PTGIS: variants seen among roughly 807,000 people sequenced by gnomAD.
The protein encoded by PTGIS is prostaglandin I2 synthase.
In PTGIS, 45 loss-of-function variants were observed where a neutral mutation model predicts 50.3. The observed-to-expected ratio is 0.90, with a 90% CI of 0.70 to 1.15. The LOEUF is 1.15. Ranked by LOEUF, PTGIS falls within the 50% of genes most tolerant of loss-of-function variation. PTGIS has a pLI of 0.00. For synonymous variants in PTGIS, 260 were observed against 267.7 expected (o/e 0.97, Z 0.28); for missense variants, 668 against 661.3 (o/e 1.01, Z -0.11).
intron 1 of PTGIS, among the ~76,000 whole-genome samples, chr20:49,561,447 T>C (rs143530707): frequency 6.6e-6 from 1 of 152,284 alleles, no homozygotes; most frequent in East Asian, 1.9e-4. Flanking sequence ...GCCTTGTGCC[T>C]CATCTTTTTG....
chr20:49,558,616 CAG>C (rs1452172577), intron 1 of PTGIS, among the ~76,000 whole-genome samples: 2 of 152,062 alleles, frequency 1.3e-5, no homozygotes, highest in African/African-American at 4.8e-5. Flanking sequence ...TAAGCAGTGT[CAG>C]AGGTGTTCAA....
rs61244098 is a variant in PTGIS, at chr20:49,510,645, A to C, written c.1358+383T>G. ...AGGCTCTCGGCCCCACAGGTATTAAAATAACCAAGTGGGAACAGTGAAGTT... is the reference window on the plus strand; with the variant it reads ...AGGCTCTCGGCCCCACAGGTATTAACATAACCAAGTGGGAACAGTGAAGTT... On this transcript the variant is annotated intron_variant, in intron 9 of 9. Transcript: ENST00000244043. Among the ~76,000 whole-genome samples, 224 of 152,288 alleles carry C rather than the reference A, an allele frequency of 1.5e-3. 2 individuals carry two copies. Among genetic ancestry groups the C allele is most frequent in the African/African-American group, 5.3e-3 (221 of 41,564 alleles).
intron 3 of PTGIS, among the ~76,000 whole-genome samples, chr20:49,546,523 C>A (rs541652502): frequency 4.3e-4 from 66 of 152,332 alleles, no homozygotes; most frequent in African/African-American, 1.5e-3. Context: ...CTCCTGGAGA[C>A]AGATCACTGA....
chr20:49,531,694 C>A (rs748921422), intron 5 of PTGIS, among the ~76,000 whole-genome samples: 2 of 152,148 alleles, frequency 1.3e-5, no homozygotes, highest in Non-Finnish European at 2.9e-5. Context: ...ATGGCGTAGT[C>A]TGGCTCACTG....
chr20:49,514,493 C>T, intron 6 of PTGIS, 98 bp from the exon 7 acceptor site: 1 of 1,426,734 alleles, frequency 7.0e-7, no homozygotes, highest in Non-Finnish European at 9.6e-7. Context: ...GGCCAGTAGG[C>T]CTGGGTTCCC....
intron 9 of PTGIS, among the ~76,000 whole-genome samples, chr20:49,509,890 TTTTTTTTTTTTTTC>T (rs1364818694): frequency 8.2e-6 from 1 of 122,026 alleles, no homozygotes; most frequent in Non-Finnish European, 1.8e-5. Context: ...TCTTTTTTTT[TTTTTTTTTTTTTTC>T]TGGAGACAGA....
At chr20:49,531,210 G>A (rs1430999778) in intron 5 of PTGIS, among the ~76,000 whole-genome samples, 1 of 152,018 alleles carries the variant, frequency 6.6e-6, no homozygotes, top group Non-Finnish European at 1.5e-5. Flanking sequence ...AGAAAATCTG[G>A]CAAACCCCCC....
At chr20:49,543,488 G>A (rs1441031467) in intron 4 of PTGIS, among the ~76,000 whole-genome samples, 3 of 152,102 alleles carry the variant, frequency 2.0e-5, no homozygotes, top group Admixed American at 6.5e-5. Flanking sequence ...CTGACCTCCC[G>A]ACTGCCTGAG....
chr20:49,549,983 C>G (rs941071159), intron 2 of PTGIS, 83 bp downstream of exon 2: 9 of 1,603,164 alleles, frequency 5.6e-6, no homozygotes, highest in Non-Finnish European at 7.7e-6. Context: ...GGCATAGGGA[C>G]ATATGTTGAA....
At chr20:49,529,509 TCA>T (rs1981880178) in intron 5 of PTGIS, among the ~76,000 whole-genome samples, 1 of 152,236 alleles carries the variant, frequency 6.6e-6, no homozygotes, top group Admixed American at 6.5e-5. Context: ...TTATCCAGTT[TCA>T]CTTTCCAAGG....
Position 49,568,098 on chromosome 20 carries a change from G to C in PTGIS, c.19C>G (p.Leu7Val). Residue 7 changes from leucine (L) to valine (V), a missense_variant, in exon 1 of 10, where the codon CTC becomes GTC. Leu to Val is a conservative substitution (Grantham distance 32). Transcript: ENST00000244043. MAWAAL[L>V]GLLAALLLLL... Reference sequence around the variant, plus strand: ...AGCAACAGTGCGGCCAGGAGGCCGAGGAGCGCGGCCCAAGCCATCGCGGGG... The same window carrying C: ...AGCAACAGTGCGGCCAGGAGGCCGACGAGCGCGGCCCAAGCCATCGCGGGG... The C allele has an allele frequency of 2.8e-6, 4 of 1,412,552 alleles. No individual in the cohort carries two copies. In the South Asian group the frequency reaches 5.4e-5, roughly 19 times the overall value. The allele number at this position is 1,412,552 out of a possible 1,614,324, so 87.5% of individuals were successfully genotyped here.
At chr20:49,564,502 C>T (rs1379772327) in intron 1 of PTGIS, among the ~76,000 whole-genome samples, 4 of 152,154 alleles carry the variant, frequency 2.6e-5, no homozygotes, top group Admixed American at 2.6e-4. Context: ...CGGCCCGCCT[C>T]AGCCTCCCAA....
chr20:49,514,509 T>A, intron 6 of PTGIS, 114 bp from the exon 7 acceptor site: 1 of 1,251,900 alleles, frequency 8.0e-7, no homozygotes, highest in Non-Finnish European at 1.1e-6. Flanking sequence ...TTCCCACTGC[T>A]GCCAAACACC....
Position 49,549,063 on chromosome 20 carries a change from T to C in PTGIS, c.198+1003A>G, listed in dbSNP as rs192398934. ...GAGATATAAATAGATGTATATCCAG[T>C]GGGGAGACATCGAATACTGAATATA... On this transcript the variant is annotated intron_variant, in intron 2 of 9. Coordinates refer to ENST00000244043, the MANE Select transcript of PTGIS (RefSeq NM_000961.4). Among the ~76,000 whole-genome samples, 79 of 152,260 alleles carry C rather than the reference T, an allele frequency of 5.2e-4. 1 individual carries two copies. The highest frequency in any genetic ancestry group is 1.9e-3 in the African/African-American group (79 of 41,548).
intron 2 of PTGIS, among the ~76,000 whole-genome samples, chr20:49,549,519 G>A (rs2122889390): frequency 6.6e-6 from 1 of 152,340 alleles, no homozygotes; most frequent in Non-Finnish European, 1.5e-5. Context: ...ACAGATGAAA[G>A]TTGGATGAAC....
At chr20:49,526,904 A>C (rs1981806490) in intron 5 of PTGIS, among the ~76,000 whole-genome samples, 1 of 152,218 alleles carries the variant, frequency 6.6e-6, no homozygotes, top group African/African-American at 2.4e-5. Flanking sequence ...GTTGCTGTGA[A>C]AAAGAGTTTA....
intron 1 of PTGIS, among the ~76,000 whole-genome samples, chr20:49,565,595 T>G (rs180755927): frequency 6.6e-6 from 1 of 151,206 alleles, no homozygotes; most frequent in East Asian, 2.0e-4. Context: ...AGCCCAGGAG[T>G]TCAAGGCTCC....
chr20:49,526,452 C>T (rs913961454), intron 5 of PTGIS, among the ~76,000 whole-genome samples: 1 of 152,208 alleles, frequency 6.6e-6, no homozygotes, highest in African/African-American at 2.4e-5. Flanking sequence ...CCTGTGCCTA[C>T]AGCAGTTCTG....
intron 1 of PTGIS, among the ~76,000 whole-genome samples, 163 bp downstream of exon 1, chr20:49,567,880 C>A (rs1314314850): frequency 1.3e-5 from 2 of 152,002 alleles, no homozygotes; most frequent in South Asian, 4.1e-4. Context: ...CCCTCACCCA[C>A]GTGCGGGGCC....
Sources: allele counts gnomAD v4.1 joint callset (sites outside exome capture counted in the v4.1 genomes callset), GRCh38; gene constraint gnomAD v4.1.1; transcripts MANE v1.5; gene names NCBI Gene and HGNC (gene_info 2026-07-23, HGNC 2026-07-21).